RTP2: variants seen among roughly 807,000 people sequenced by gnomAD.
The protein encoded by RTP2 is receptor transporter protein 2, also known as receptor-transporting protein 2.
RTP2 carries 12 observed loss-of-function variants against 17.9 expected under a neutral mutation model. That is an observed-to-expected ratio of 0.67 (90% confidence interval 0.43 to 1.09). RTP2 has a LOEUF of 1.09. Ranked by LOEUF, RTP2 falls within the 50% of genes least tolerant of loss-of-function variation. RTP2 has a pLI of 0.00. For missense variants in RTP2, 327 were observed against 295.7 expected (o/e 1.11, Z -0.78); for synonymous variants, 126 against 117.7 (o/e 1.07, Z -0.46).
At chr3:187,702,108 A>G (rs202127688) in exon 1 of RTP2, 1 of 1,611,424 alleles carries the variant, frequency 6.2e-7, no homozygotes, top group East Asian at 2.2e-5. Flanking sequence ...TCCACTCACA[A>G]GTGGTCAAGC....
the RTP2 span, among the ~76,000 whole-genome samples, chr3:187,712,025 G>C: frequency 2.0e-5 from 3 of 152,212 alleles, no homozygotes; most frequent in African/African-American, 7.2e-5. Flanking sequence ...TAGCACAAAT[G>C]GTCTTCGAGA....
At chr3:187,710,711 A>G in the RTP2 span, among the ~76,000 whole-genome samples, 5 of 152,086 alleles carry the variant, frequency 3.3e-5, no homozygotes, top group Non-Finnish European at 5.9e-5. Context: ...GGATTAATAC[A>G]CCATAATTCT....
exon 2 of RTP2, chr3:187,698,529 T>G (rs769452529): frequency 6.2e-7 from 1 of 1,612,978 alleles, no homozygotes; most frequent in African/African-American, 1.3e-5. Flanking sequence ...GAAGGAGAAC[T>G]GCAGGTAAAC....
chr3:187,703,545 A>G (rs1579784707), upstream of RTP2, among the ~76,000 whole-genome samples: 1 of 152,212 alleles, frequency 6.6e-6, no homozygotes. Flanking sequence ...TTTCTTAACC[A>G]AAATTTATTG....
At chr3:187,710,712 C>A in the RTP2 span, among the ~76,000 whole-genome samples, 1 of 152,136 alleles carries the variant, frequency 6.6e-6, no homozygotes, top group East Asian at 1.9e-4. Flanking sequence ...GATTAATACA[C>A]CATAATTCTC....
the RTP2 span, among the ~76,000 whole-genome samples, chr3:187,711,335 C>T: frequency 2.6e-5 from 4 of 152,304 alleles, no homozygotes; most frequent in East Asian, 7.7e-4. Flanking sequence ...TTGTTTTCAG[C>T]CTTGAAGAAA....
At chr3:187,711,948 G>A in the RTP2 span, among the ~76,000 whole-genome samples, 1 of 152,270 alleles carries the variant, frequency 6.6e-6, no homozygotes, top group South Asian at 2.1e-4. Flanking sequence ...TTATAGAGGT[G>A]GAGAACAGAT....
At chr3:187,700,322 G>A (rs181511643) in intron 1 of RTP2, among the ~76,000 whole-genome samples, 7 of 152,290 alleles carry the variant, frequency 4.6e-5, no homozygotes, top group Non-Finnish European at 7.3e-5. Context: ...GAGGTTCCCC[G>A]CCCCCAGTGC....
At chr3:187,704,572 A>G (rs974046569), upstream of RTP2, among the ~76,000 whole-genome samples, 1 of 152,228 alleles carries the variant, frequency 6.6e-6, no homozygotes, top group South Asian at 2.1e-4. Context: ...AAACAAAAAA[A>G]GAAGATTGAG....
chr3:187,699,022 G>A lies in RTP2; in HGVS notation c.165-11C>T. ...CAGGAGCAGTGGAACCTGCCGGGAG[G>A]AGAAGGAGGGGTGGAGAAGGTGGGC... On this transcript the variant is annotated splice_polypyrimidine_tract_variant and intron_variant, in intron 1 of 1. Coordinates refer to ENST00000358241, the Ensembl canonical transcript of RTP2. 1 of 1,567,276 alleles carries A rather than the reference G, an allele frequency of 6.4e-7. No homozygotes were observed. The highest frequency in any genetic ancestry group is 8.7e-7 in the Non-Finnish European group (1 of 1,150,110).
chr3:187,699,708 G>T (rs1012311477), intron 1 of RTP2, among the ~76,000 whole-genome samples: 1 of 149,996 alleles, frequency 6.7e-6, no homozygotes, highest in South Asian at 2.1e-4. Flanking sequence ...GGAAAAGAGG[G>T]TATTCATTCC....
intron 1 of RTP2, among the ~76,000 whole-genome samples, chr3:187,700,501 G>A (rs556660396): frequency 6.6e-5 from 10 of 152,362 alleles, no homozygotes; most frequent in Non-Finnish European, 8.8e-5. Context: ...ACATGAGCTT[G>A]CTGAGCTCAG....
chr3:187,699,729 CCACACA>C lies in RTP2; in HGVS notation c.165-724_165-719del, dbSNP rs1328615413. ...GAGGGTATTCATTCCCATTGCCACTCCACACACACACACACACACACACACACACAC... is the reference window on the plus strand; with the variant it reads ...GAGGGTATTCATTCCCATTGCCACTCCACACACACACACACACACACACAC... On this transcript the variant is annotated intron_variant, in intron 1 of 1. Transcript: ENST00000358241. Among the ~76,000 whole-genome samples, 275 of 116,522 alleles carry C rather than the reference CCACACA, an allele frequency of 2.4e-3. 2 individuals are homozygous for C. Among genetic ancestry groups the C allele is most frequent in the African/African-American group, 8.6e-3 (256 of 29,718 alleles). The allele number at this position is 116,522 out of a possible 152,430, so 76.4% of individuals were successfully genotyped here.
chr3:187,702,325 G>T (rs1717873864), exon 1 of RTP2: 1 of 606,002 alleles, frequency 1.7e-6, no homozygotes, highest in Non-Finnish European at 2.9e-6. Flanking sequence ...AAGAGTGAGG[G>T]CTGGGGAGAA....
At chr3:187,711,655 A>G in the RTP2 span, among the ~76,000 whole-genome samples, 1 of 152,226 alleles carries the variant, frequency 6.6e-6, no homozygotes, top group African/African-American at 2.4e-5. Context: ...GAGAGATAAT[A>G]TGATAATTAC....
chr3:187,701,811 G>C (rs944386013), intron 1 of RTP2, among the ~76,000 whole-genome samples, 154 bp downstream of exon 1: 1 of 152,148 alleles, frequency 6.6e-6, no homozygotes, highest in African/African-American at 2.4e-5. Flanking sequence ...TTAAAAGCAA[G>C]AACTCTCTGA....
chr3:187,711,065 AC>A, the RTP2 span, among the ~76,000 whole-genome samples: 2 of 152,068 alleles, frequency 1.3e-5, no homozygotes, highest in African/African-American at 4.8e-5. Flanking sequence ...ATGCATAGCC[AC>A]CCCTTCTGCT....
At chr3:187,710,345 A>T in the RTP2 span, among the ~76,000 whole-genome samples, 1 of 148,148 alleles carries the variant, frequency 6.8e-6, no homozygotes, top group Non-Finnish European at 1.5e-5. Context: ...ACATGAGCGA[A>T]TTCCTCATAA....
At chr3:187,713,864 C>T in the RTP2 span, among the ~76,000 whole-genome samples, 1 of 152,166 alleles carries the variant, frequency 6.6e-6, no homozygotes, top group South Asian at 2.1e-4. Context: ...CCTTTTTATT[C>T]AGTTCTAGGA....
Sources: allele counts gnomAD v4.1 joint callset (sites outside exome capture counted in the v4.1 genomes callset), GRCh38; gene constraint gnomAD v4.1.1; transcripts MANE v1.5; gene names NCBI Gene and HGNC (gene_info 2026-07-23, HGNC 2026-07-21).